Variants in GGTA1 observed in about 807,000 individuals in gnomAD.
GGTA1 encodes glycoprotein alpha-galactosyltransferase 1 (inactive).
In GGTA1, 5 loss-of-function variants were observed where a neutral mutation model predicts 2.6. The ratio of observed to expected loss-of-function variants is 1.92; its 90% CI spans 1.00 to 4.04. The LOEUF (loss-of-function observed/expected upper bound fraction) is 4.04, where lower values mean the gene tolerates loss of function less well. GGTA1 is among the 30% of genes most tolerant of loss of function. The pLI, the probability that GGTA1 is intolerant of heterozygous loss-of-function variation, is 0.00. For missense variants in GGTA1, 50 were observed against 16.7 expected, an observed-to-expected ratio of 2.99 and a Z score of -3.47; for synonymous variants, 17 against 5.0, an observed-to-expected ratio of 3.38 and a Z score of -3.19.
At chr9:121,447,755 G>A (rs995908030) in intron 7 of GGTA1, among the ~76,000 whole-genome samples, 1 of 152,138 alleles carries the variant, frequency 6.6e-6, no homozygotes, top group Admixed American at 6.5e-5. Context: ...ATATTTTATG[G>A]TTAGTAGGAG....
At chr9:121,479,169 C>A (rs768112043) in intron 1 of GGTA1, 1 of 453,338 alleles carries the variant, frequency 2.2e-6, no homozygotes, top group Non-Finnish European at 4.4e-6. Flanking sequence ...GAGTTTAGGG[C>A]GATCCACCCG....
At chr9:121,479,043 G>T (rs1267743497) in intron 1 of GGTA1, 1 of 456,270 alleles carries the variant, frequency 2.2e-6, no homozygotes, top group South Asian at 1.5e-5. Context: ...CCTACCAGGG[G>T]AGCAAAATAA....
intron 1 of GGTA1, among the ~76,000 whole-genome samples, chr9:121,473,995 AAAG>A (rs1828453743): frequency 6.8e-6 from 1 of 147,600 alleles, no homozygotes; most frequent in Non-Finnish European, 1.5e-5. Context: ...GAGAGAAAAG[AAAG>A]AAAGAAAGAA....
intron 1 of GGTA1, among the ~76,000 whole-genome samples, chr9:121,472,544 A>G (rs1335868420): frequency 6.6e-6 from 1 of 152,270 alleles, no homozygotes; most frequent in Non-Finnish European, 1.5e-5. Flanking sequence ...GGGATTTGGA[A>G]TAAGAACATG....
At chr9:121,497,811 A>G (rs1829024761) in intron 1 of GGTA1, among the ~76,000 whole-genome samples, 1 of 152,194 alleles carries the variant, frequency 6.6e-6, no homozygotes, top group Admixed American at 6.5e-5. Flanking sequence ...TGAGATTCAC[A>G]GGCTTCTTCT....
intron 1 of GGTA1, among the ~76,000 whole-genome samples, chr9:121,480,340 G>A (rs1472450500): frequency 7.2e-5 from 11 of 152,186 alleles, no homozygotes; most frequent in Admixed American, 7.2e-4. Flanking sequence ...ACAGGTGTGA[G>A]CCACCATGCC....
intron 7 of GGTA1, among the ~76,000 whole-genome samples, chr9:121,449,839 C>CAAAAAAAA (rs35123086): frequency 3.2e-5 from 3 of 94,290 alleles, no homozygotes; most frequent in African/African-American, 1.3e-4. Context: ...GACTCCATCT[C>CAAAAAAAA]AAAAAAAAAA....
At chr9:121,451,393 G>A (rs559985109), downstream of GGTA1, among the ~76,000 whole-genome samples, 7 of 152,266 alleles carry the variant, frequency 4.6e-5, no homozygotes, top group African/African-American at 1.7e-4. Flanking sequence ...CACCGTGTTA[G>A]CTAGGATGGT....
At chr9:121,462,041 G>A (rs1037775353) in intron 3 of GGTA1, among the ~76,000 whole-genome samples, 3 of 152,180 alleles carry the variant, frequency 2.0e-5, no homozygotes, top group African/African-American at 7.2e-5. Flanking sequence ...TCAAGGTGGG[G>A]GGTCGGGCAC....
At chr9:121,482,695 G>C (rs1162152044) in intron 1 of GGTA1, among the ~76,000 whole-genome samples, 1 of 152,172 alleles carries the variant, frequency 6.6e-6, no homozygotes, top group Admixed American at 6.5e-5. Context: ...CTTGAACCTG[G>C]GAGGTGGAGT....
intron 1 of GGTA1, among the ~76,000 whole-genome samples, chr9:121,479,735 G>A (rs531033869): frequency 6.6e-6 from 1 of 152,238 alleles, no homozygotes; most frequent in South Asian, 2.1e-4. Flanking sequence ...ACAGAGGAGT[G>A]GACAAAGGGC....
At chr9:121,463,457 C>A (rs1021606548) in intron 2 of GGTA1, 129 bp from the exon 3 acceptor site, 1 of 369,232 alleles carries the variant, frequency 2.7e-6, no homozygotes, top group African/African-American at 2.1e-5. Flanking sequence ...CTGGTTTCTA[C>A]CTTCCTTTGA....
chr9:121,489,720 G>T (rs542333258), intron 1 of GGTA1, among the ~76,000 whole-genome samples: 1 of 152,170 alleles, frequency 6.6e-6, no homozygotes, highest in African/African-American at 2.4e-5. Flanking sequence ...GCCAGCAGGC[G>T]TTCTGTGTTT....
chr9:121,474,023 AAAAGAAAGGAAAG>A lies in GGTA1; in HGVS notation c.-9-6105_-9-6093del, dbSNP rs1828454998. Reference sequence around the variant, plus strand: ...GAAAGAAAGAAACAAGGAAAGAAAGAAAAGAAAGGAAAGAAAGAAAGAAAAGAAAAGAAAGTTC... The same window carrying A: ...GAAAGAAAGAAACAAGGAAAGAAAGAAAAGAAAGAAAAGAAAAGAAAGTTC... On this transcript the variant is annotated intron_variant, in intron 1 of 5. Transcript: ENST00000481799. Among the ~76,000 whole-genome samples the A allele has an allele frequency of 4.0e-5, 6 of 151,742 alleles. No homozygotes were observed. In the South Asian group the frequency reaches 1.2e-3, roughly 31 times the overall value.
At chr9:121,487,901 A>G (rs1828794536) in intron 1 of GGTA1, among the ~76,000 whole-genome samples, 1 of 152,048 alleles carries the variant, frequency 6.6e-6, no homozygotes, top group South Asian at 2.1e-4. Flanking sequence ...TTTTTAGCAG[A>G]GATGGTGTTT....
chr9:121,461,129 A>G lies in GGTA1; in HGVS notation c.182+123T>C, dbSNP rs1376999246. 17 of 359,418 alleles carry G rather than the reference A, an allele frequency of 4.7e-5. No homozygotes were observed. In the Admixed American group the frequency reaches 5.1e-4, roughly 11 times the overall value. The allele number at this position is 359,418 out of a possible 1,614,324, so 22.3% of individuals were successfully genotyped here. A position where few individuals can be genotyped will look rare whatever the true frequency, so the allele number is the denominator to read the frequency against. ...GTCCCACTCACAAAATATTCTTCAT[A>G]TAATTTCAATAAGCAAGAAAGATGA... On this transcript the variant is annotated intron_variant, in intron 4 of 5. Coordinates refer to ENST00000481799, the MANE Select transcript of GGTA1 (RefSeq NM_001382585.1).
chr9:121,482,020 G>A (rs938262736), intron 1 of GGTA1, among the ~76,000 whole-genome samples: 2 of 151,522 alleles, frequency 1.3e-5, no homozygotes, highest in South Asian at 4.2e-4. Context: ...AGAATAAAAA[G>A]TAACAGAAAT....
intron 1 of GGTA1, among the ~76,000 whole-genome samples, chr9:121,471,672 G>A (rs1828393278): frequency 1.3e-5 from 2 of 152,176 alleles, no homozygotes; most frequent in South Asian, 4.1e-4. Context: ...CAACTGTGAT[G>A]GGCAGTATTC....
chr9:121,463,742 C>T (rs1204099336), intron 2 of GGTA1, among the ~76,000 whole-genome samples: 1 of 152,136 alleles, frequency 6.6e-6, no homozygotes, highest in African/African-American at 2.4e-5. Flanking sequence ...AAGAAGACAG[C>T]TCTCCATTGC....
Sources: gnomAD v4.1 joint callset for allele counts (sites outside exome capture counted in the v4.1 genomes callset) on GRCh38, gnomAD v4.1.1 for gene constraint, MANE v1.5 for transcripts, NCBI Gene and HGNC (gene_info 2026-07-23, HGNC 2026-07-21) for gene names.